TGFBR3: variants seen among roughly 807,000 people sequenced by gnomAD.
The protein encoded by TGFBR3 is transforming growth factor beta receptor type 3.
In TGFBR3, 46 loss-of-function variants were observed where a neutral mutation model predicts 87.9. The ratio of observed to expected loss-of-function variants is 0.52; its 90% confidence interval spans 0.41 to 0.67. The LOEUF is 0.67. TGFBR3 is among the 30% of genes least tolerant of loss of function. The pLI is 0.00. For synonymous variants in TGFBR3, 381 were observed against 391.6 expected (o/e 0.97, Z 0.32); for missense variants, 866 against 1,041.9 (o/e 0.83, Z 2.32).
At chr1:91,814,338 G>A (rs941366029) in intron 2 of TGFBR3, among the ~76,000 whole-genome samples, 5 of 152,084 alleles carry the variant, frequency 3.3e-5, no homozygotes, top group Admixed American at 1.3e-4. Flanking sequence ...TTCTTTGCCC[G>A]AGAGATAGCT....
At chr1:91,904,067 C>T (rs981804886) in intron 1 of TGFBR3, among the ~76,000 whole-genome samples, 1 of 151,998 alleles carries the variant, frequency 6.6e-6, no homozygotes, top group Admixed American at 6.6e-5. Context: ...ATCTGTAATC[C>T]CAGCTACTCG....
chr1:91,855,430 C>T (rs1677902782), intron 2 of TGFBR3, among the ~76,000 whole-genome samples: 1 of 152,182 alleles, frequency 6.6e-6, no homozygotes, highest in Admixed American at 6.5e-5. Flanking sequence ...TCCATGCATG[C>T]CTCTTTTTCT....
chr1:91,710,201 G>C (rs1671931330), intron 13 of TGFBR3, among the ~76,000 whole-genome samples: 1 of 152,180 alleles, frequency 6.6e-6, no homozygotes, highest in Admixed American at 6.5e-5. Context: ...AGGCCTTGCT[G>C]TCATTGCTGC....
chr1:91,789,573 A>C (rs990269069), intron 3 of TGFBR3, among the ~76,000 whole-genome samples: 23 of 152,194 alleles, frequency 1.5e-4, no homozygotes, highest in Non-Finnish European at 2.9e-5. Context: ...TTAACTTCTT[A>C]GCTTAGCCTT....
chr1:91,683,881 G>A (rs757033747), intron 16 of TGFBR3, 24 bp from the exon 17 acceptor site: 3 of 1,565,574 alleles, frequency 1.9e-6, no homozygotes, highest in Non-Finnish European at 2.6e-6. Flanking sequence ...AGAAAAGGCA[G>A]AGTCAGAGAA....
chr1:91,737,081 T>C (rs1644761636), intron 4 of TGFBR3, among the ~76,000 whole-genome samples: 1 of 152,232 alleles, frequency 6.6e-6, no homozygotes, highest in South Asian at 2.1e-4. Flanking sequence ...GAGGAACAAC[T>C]CCCTCTGCTC....
chr1:91,828,055 C>T (rs1029637885), intron 2 of TGFBR3, among the ~76,000 whole-genome samples: 1 of 152,152 alleles, frequency 6.6e-6, no homozygotes, highest in South Asian at 2.1e-4. Context: ...TCCAGGGTAC[C>T]GGCTCTTCAG....
At chr1:91,748,070 A>G (rs956168058) in intron 4 of TGFBR3, among the ~76,000 whole-genome samples, 6 of 152,182 alleles carry the variant, frequency 3.9e-5, no homozygotes, top group African/African-American at 1.4e-4. Context: ...GGAACCACAG[A>G]CCTAACAACA....
chr1:91,810,380 C>T (rs982901773), intron 2 of TGFBR3, among the ~76,000 whole-genome samples: 4 of 152,144 alleles, frequency 2.6e-5, no homozygotes, highest in Non-Finnish European at 5.9e-5. Context: ...TTTTGTATTG[C>T]ACCTGATAAA....
chr1:91,818,587 G>T (rs186750960), intron 2 of TGFBR3, among the ~76,000 whole-genome samples: 2 of 152,236 alleles, frequency 1.3e-5, no homozygotes, highest in East Asian at 3.9e-4. Flanking sequence ...CTTTGGAGAA[G>T]TAACCAAAAT....
chr1:91,896,946 G>A (rs540090599), intron 2 of TGFBR3, among the ~76,000 whole-genome samples: 1 of 146,926 alleles, frequency 6.8e-6, no homozygotes, highest in African/African-American at 2.5e-5. Flanking sequence ...GGAGTGAAGT[G>A]TATATATCTT....
chr1:91,878,476 T>C (rs1678944052), intron 1 of TGFBR3, among the ~76,000 whole-genome samples: 1 of 152,164 alleles, frequency 6.6e-6, no homozygotes, highest in Admixed American at 6.5e-5. Context: ...CCAGATGGAA[T>C]TAAGTATTCA....
chr1:91,804,512 C>T (rs143419321), intron 2 of TGFBR3, among the ~76,000 whole-genome samples: 340 of 152,240 alleles, frequency 2.2e-3, no homozygotes, highest in African/African-American at 7.2e-3. Context: ...TGGTTCCTTC[C>T]GCAATCTGTC....
intron 2 of TGFBR3, among the ~76,000 whole-genome samples, chr1:91,844,157 A>G (rs1356285515): frequency 1.3e-5 from 2 of 152,216 alleles, no homozygotes; most frequent in Admixed American, 1.3e-4. Context: ...CTTAAAGAAC[A>G]TATCTCACAG....
chr1:91,729,994 T>G (rs779932759), intron 5 of TGFBR3, 21 bp from the exon 6 acceptor site: 8 of 1,613,852 alleles, frequency 5.0e-6, no homozygotes, highest in Non-Finnish European at 6.8e-6. Flanking sequence ...CACAGGACAA[T>G]CTGTCAAACC....
chr1:91,836,284 T>G (rs921125747), intron 2 of TGFBR3, among the ~76,000 whole-genome samples: 5 of 152,072 alleles, frequency 3.3e-5, no homozygotes, highest in African/African-American at 1.2e-4. Flanking sequence ...TTAAAAAAAA[T>G]TCAGATGTCA....
intron 2 of TGFBR3, among the ~76,000 whole-genome samples, chr1:91,804,383 C>A (rs1675757472): frequency 6.6e-6 from 1 of 152,196 alleles, no homozygotes; most frequent in African/African-American, 2.4e-5. Flanking sequence ...TCCGTTGGCA[C>A]ACCACAGCCC....
chr1:91,690,975 CAAGAA>C (rs1671243486), intron 16 of TGFBR3, among the ~76,000 whole-genome samples: 1 of 150,946 alleles, frequency 6.6e-6, no homozygotes, highest in South Asian at 2.1e-4. Context: ...ACCCATGAAA[CAAGAA>C]TAGAACTTTT....
In TGFBR3 at chr1:91,816,162, T is replaced by A. The variant is rs191377585; in HGVS notation, c.62-18691A>T. On this transcript the variant is annotated intron_variant, in intron 2 of 16. Transcript: ENST00000212355. ...GCTCATGGAGAAAGCAACAGAAGGA[T>A]GGCAAGAGGAAAAAATAGATCAACA... is the stretch of plus-strand genomic sequence containing the variant. Among the ~76,000 whole-genome samples, 20 of 152,134 alleles carry A rather than the reference T, an allele frequency of 1.3e-4. No individual in the cohort carries two copies. In the East Asian group the frequency reaches 3.5e-3, roughly 26 times the overall value.
Sources: gnomAD v4.1 joint callset for allele counts (sites outside exome capture counted in the v4.1 genomes callset) on GRCh38, gnomAD v4.1.1 for gene constraint, MANE v1.5 for transcripts, NCBI Gene and HGNC (gene_info 2026-07-23, HGNC 2026-07-21) for gene names.